Variants in WASHC2C observed in about 807,000 individuals in gnomAD.
WASHC2C encodes WASH complex subunit 2C, also known as Vaccinia Penetration Factor.
Under a neutral mutation model 142.2 loss-of-function variants are expected in WASHC2C, and 73 were observed. The ratio of observed to expected loss-of-function variants is 0.51; its 90% CI spans 0.43 to 0.62. The LOEUF (loss-of-function observed/expected upper bound fraction) is 0.62. Among genes scored for constraint, WASHC2C ranks in the 20% least tolerant of loss-of-function variants. The pLI, the probability that WASHC2C is intolerant of heterozygous loss-of-function variation, is 0.00. For missense variants in WASHC2C, 969 were observed against 1,531.7 expected (o/e 0.63, Z 6.13); for synonymous variants, 337 against 565.5 (o/e 0.60, Z 5.73).
chr10:45,744,088 C>G (rs1424110431), intron 6 of WASHC2C, among the ~76,000 whole-genome samples: 1 of 150,294 alleles, frequency 6.7e-6, no homozygotes, highest in Non-Finnish European at 1.5e-5. Context: ...GCCGGAGTTT[C>G]TCTCTGGTCA....
Position 45,738,034 on chromosome 10 carries a change from A to G in WASHC2C, c.343A>G (p.Lys115Glu), listed in dbSNP as rs782615188. ...GCCAGTACTCAAGGCTGAGGCAGAA[A>G]AAACAGAGCAGGTACTTGTATAAAA... ...EEPVLKAEAE[K>E]TEQEKTREQK... The change falls in exon 4 of 31, where the codon AAA (lysine) becomes GAA (glutamate). Residue 115 changes from lysine (K) to glutamate (E), a missense_variant. By Grantham distance (56) the Lys-to-Glu change is moderately conservative. Coordinates refer to ENST00000623400, the MANE Select transcript of WASHC2C (RefSeq NM_001330074.2). 18 of 1,611,904 alleles carry G rather than the reference A, an allele frequency of 1.1e-5. No homozygotes were observed. Among genetic ancestry groups the G allele is most frequent in the Non-Finnish European group, 1.4e-5 (17 of 1,179,846 alleles).
At chr10:45,784,964 G>A (rs2057920411) in intron 25 of WASHC2C, 63 bp downstream of exon 25, 6 of 1,610,832 alleles carry the variant, frequency 3.7e-6, no homozygotes, top group East Asian at 4.5e-5. Context: ...GGAAACTAAC[G>A]TCCAGTTAGA....
At position 45,769,631 on chromosome 10, in the gene WASHC2C, T is replaced by C. The variant is rs782302036; in HGVS notation, c.2039+13T>C. 6.2e-7 allele frequency: 1 copy of C among 1,611,852 alleles called. No homozygotes were observed. Among genetic ancestry groups the C allele is most frequent in the Non-Finnish European group, 8.5e-7 (1 of 1,179,822 alleles). On this transcript the variant is annotated intron_variant, in intron 20 of 30. Coordinates refer to ENST00000623400, the MANE Select transcript of WASHC2C (RefSeq NM_001330074.2). The stretch of plus-strand genomic sequence containing the variant: ...TTGCCAAGGACAGGTGAGATAGTCA[T>C]TGGAAGGAGTCCCTCACTCCATTAC...
intron 17 of WASHC2C, among the ~76,000 whole-genome samples, chr10:45,762,239 T>C (rs1554880279): frequency 6.6e-6 from 1 of 152,078 alleles, no homozygotes; most frequent in Non-Finnish European, 1.5e-5. Flanking sequence ...TGAGATGAAA[T>C]TATACTCTTT....
intron 4 of WASHC2C, among the ~76,000 whole-genome samples, chr10:45,738,577 C>G (rs1465560708): frequency 2.0e-5 from 3 of 151,856 alleles, no homozygotes; most frequent in Non-Finnish European, 2.9e-5. Context: ...AAGGTTGGCC[C>G]TTTGTCAGCA....
intron 2 of WASHC2C, among the ~76,000 whole-genome samples, chr10:45,728,069 C>T (rs1483558381): frequency 1.3e-5 from 2 of 152,172 alleles, no homozygotes; most frequent in Admixed American, 6.5e-5. Flanking sequence ...TGCCCTGTCG[C>T]CCAGGCTGGA....
rs2134882567 is a variant in WASHC2C, at chr10:45,757,230, C to T, written c.1548+91C>T. The stretch of plus-strand genomic sequence containing the variant: ...CCCAGAGGGAAGTACTGTTCCCTTT[C>T]ACGTTCATATTGAAGAACTTCAAAC... On this transcript the variant is annotated intron_variant, in intron 16 of 30. Coordinates refer to ENST00000623400, the MANE Select transcript of WASHC2C (RefSeq NM_001330074.2). 3.1e-6 allele frequency: 5 copies of T among 1,588,246 alleles called. No homozygotes were observed. In the South Asian group the frequency reaches 5.7e-5, roughly 18 times the overall value.
intron 2 of WASHC2C, among the ~76,000 whole-genome samples, chr10:45,728,427 T>G (rs1195107882): frequency 6.6e-6 from 1 of 152,194 alleles, no homozygotes; most frequent in Non-Finnish European, 1.5e-5. Flanking sequence ...CAATGTCACT[T>G]GGTTTTAGTA....
intron 17 of WASHC2C, among the ~76,000 whole-genome samples, chr10:45,761,841 TA>T (rs1276728045): frequency 1.3e-5 from 2 of 152,212 alleles, no homozygotes; most frequent in Non-Finnish European, 2.9e-5. Flanking sequence ...TGCCATTGTG[TA>T]ACATGCAGGA....
intron 19 of WASHC2C, 98 bp downstream of exon 19, chr10:45,765,908 A>G: frequency 6.6e-7 from 1 of 1,504,366 alleles, no homozygotes; most frequent in South Asian, 1.3e-5. Context: ...ATATCTCGTG[A>G]TGTTCAGTCA....
In WASHC2C at chr10:45,789,390, G is replaced by A. The variant is rs1205297427; in HGVS notation, c.3607G>A (p.Glu1203Lys). ...AKKTNPFPLL[E>K]DEDDLFTDQK... ...GAAAACAAATCCCTTTCCTCTCCTG[G>A]AAGATGAGGATGACCTCTTTACAGA... The change falls in exon 29 of 31, where the codon GAA becomes AAA. Residue 1203 changes from glutamate to lysine, a missense_variant. By Grantham distance (56) the Glu-to-Lys change is moderately conservative. Transcript: ENST00000623400. 2 of 1,611,918 alleles carry A rather than the reference G, an allele frequency of 1.2e-6. No individual in the cohort carries two copies. Among genetic ancestry groups the A allele is most frequent in the African/African-American group, 2.7e-5 (2 of 74,860 alleles).
rs1253765603 is a variant in WASHC2C at position 45,785,001 on chromosome 10, G to T, written c.2688+100G>T. 6.2e-6 allele frequency: 10 copies of T among 1,608,570 alleles called. No individual in the cohort carries two copies. The African/African-American group carries it at 1.3e-4, about 21-fold the overall frequency. On this transcript the variant is annotated intron_variant, in intron 25 of 30. Coordinates refer to ENST00000623400, the MANE Select transcript of WASHC2C (RefSeq NM_001330074.2). ...GATTAAGGAAAATCCTAGGAGAGTC[G>T]TGCTGCTTCCTGCTAAATGAATGGC...
intron 5 of WASHC2C, 84 bp from the exon 6 acceptor site, chr10:45,743,306 C>T: frequency 6.4e-7 from 1 of 1,556,874 alleles, no homozygotes; most frequent in Non-Finnish European, 8.9e-7. Flanking sequence ...TTGGGATAGT[C>T]AGATGGAACA....
At chr10:45,778,606 CT>C (rs1310726644) in intron 22 of WASHC2C, among the ~76,000 whole-genome samples, 2 of 150,092 alleles carry the variant, frequency 1.3e-5, no homozygotes, top group African/African-American at 2.5e-5. Context: ...ATGATTGGCA[CT>C]TGTATTGGTT....
At chr10:45,766,640 C>T (rs2135261119) in intron 19 of WASHC2C, among the ~76,000 whole-genome samples, 1 of 143,060 alleles carries the variant, frequency 7.0e-6, no homozygotes, top group South Asian at 2.4e-4. Context: ...GGAGGAGTTA[C>T]CTATTGAGGT....
Position 45,749,851 on chromosome 10 carries a change from A to ATATATATATATATATT in WASHC2C, c.733-240_733-239insATATATATATTTATAT, listed in dbSNP as rs797033033. 6.2e-3 allele frequency among the ~76,000 whole-genome samples: 669 copies of ATATATATATATATATT among 108,024 alleles called. 13 individuals carry two copies. Among genetic ancestry groups the ATATATATATATATATT allele is most frequent in the South Asian group, 0.037 (127 of 3,452 alleles). The allele number at this position is 108,024 out of a possible 152,430, so 70.9% of individuals were successfully genotyped here. A position where few individuals can be genotyped will look rare whatever the true frequency, so the allele number is the denominator to read the frequency against. ...AAAAAAAAAAAATATATATATATATATATATTTATATATATATATATTTAT... is the reference window on the plus strand; with the variant it reads ...AAAAAAAAAAAATATATATATATATATATATATATATATATTTATATTTATATATATATATATTTAT... On this transcript the variant is annotated intron_variant, in intron 8 of 30. Coordinates refer to ENST00000623400, the MANE Select transcript of WASHC2C (RefSeq NM_001330074.2).
At chr10:45,785,937 T>C in intron 26 of WASHC2C, 1 of 368,448 alleles carries the variant, frequency 2.7e-6, no homozygotes, top group Non-Finnish European at 5.0e-6. Flanking sequence ...TTTCTCCCTC[T>C]GGATTTCCTT....
intron 23 of WASHC2C, among the ~76,000 whole-genome samples, chr10:45,783,962 G>A (rs1430783044): frequency 1.3e-5 from 2 of 152,016 alleles, no homozygotes; most frequent in African/African-American, 2.4e-5. Flanking sequence ...GCTTGTGGTC[G>A]CACCTGTGCC....
intron 23 of WASHC2C, among the ~76,000 whole-genome samples, chr10:45,779,456 A>G (rs2057335065): frequency 6.6e-6 from 1 of 152,218 alleles, no homozygotes; most frequent in South Asian, 2.1e-4. Flanking sequence ...GGAGCTGTAC[A>G]GTTAAGTATT....
Sources: allele counts gnomAD v4.1 joint callset (sites outside exome capture counted in the v4.1 genomes callset), GRCh38; gene constraint gnomAD v4.1.1; transcripts MANE v1.5; gene names NCBI Gene and HGNC (gene_info 2026-07-23, HGNC 2026-07-21).